The following TSPAN9 variants were observed in gnomAD, a reference collection of about 807,000 sequenced individuals.
TSPAN9 encodes tetraspanin 9.
A neutral mutation model predicts 31.0 loss-of-function variants in TSPAN9; 16 were observed. That is an observed-to-expected ratio of 0.52 (90% CI 0.35 to 0.78). The LOEUF (loss-of-function observed/expected upper bound fraction) is 0.78, where lower values mean the gene tolerates loss of function less well. Among genes scored for constraint, TSPAN9 ranks in the 30% least tolerant of loss-of-function variants. The pLI, the probability that TSPAN9 is intolerant of heterozygous loss-of-function variation, is 0.01. For synonymous variants in TSPAN9, 145 were observed against 121.6 expected (o/e 1.19, Z -1.27); for missense variants, 272 against 312.5 (o/e 0.87, Z 0.98).
rs552866930 is a variant in TSPAN9 at position 3,284,279 on chromosome 12, T to A, written c.*1163T>A. On this transcript the variant is annotated 3_prime_UTR_variant, in exon 9 of 9. Transcript: ENST00000011898. ...CCCTTGCTTCTGGAAGGGGAAGCAG[T>A]CCTTAGGTTTTGCTGTGCTGGGACA... The A allele has an allele frequency of 2.0e-5, 3 of 152,620 alleles. No homozygotes were observed. The East Asian group carries it at 5.8e-4, about 30-fold the overall frequency. The allele number at this position is 152,620 out of a possible 1,614,324, so 9.5% of individuals were successfully genotyped here.
chr12:3,213,340 A>AG (rs1321993990), intron 3 of TSPAN9, among the ~76,000 whole-genome samples: 3 of 152,170 alleles, frequency 2.0e-5, no homozygotes, highest in African/African-American at 4.8e-5. Context: ...TGCCCTCTCA[A>AG]GGGGGGCTTC....
At chr12:3,270,065 G>A (rs1862644536) in intron 3 of TSPAN9, among the ~76,000 whole-genome samples, 1 of 152,208 alleles carries the variant, frequency 6.6e-6, no homozygotes, top group Non-Finnish European at 1.5e-5. Context: ...GTCCTTCTGA[G>A]GGCTGTTCCT....
chr12:3,085,519 G>A (rs1233867028), intron 2 of TSPAN9, among the ~76,000 whole-genome samples: 4 of 152,086 alleles, frequency 2.6e-5, no homozygotes, highest in Non-Finnish European at 5.9e-5. Flanking sequence ...GGCTCCAGGG[G>A]GCTTTGGTTT....
intron 2 of TSPAN9, among the ~76,000 whole-genome samples, chr12:3,140,258 G>T (rs748888885): frequency 1.3e-5 from 2 of 152,190 alleles, no homozygotes; most frequent in East Asian, 3.8e-4. Context: ...TTTCCCAGGG[G>T]TAGCTCCAGG....
In TSPAN9 at chr12:3,079,658, C is replaced by T. The variant is rs528591940; in HGVS notation, c.-85+2205C>T. Among the ~76,000 whole-genome samples, 70 of 151,452 alleles carry T rather than the reference C, an allele frequency of 4.6e-4. No homozygotes were observed. The South Asian group carries it at 0.014, about 31-fold the overall frequency. ...TGTATTTTTAGTAGAGATGGAGTTT[C>T]GCCATGTTGGCCAGACTGGTCTCAA... On this transcript the variant is annotated intron_variant, in intron 1 of 8. Transcript: ENST00000011898.
At chr12:3,246,343 A>G (rs1001033376) in intron 3 of TSPAN9, among the ~76,000 whole-genome samples, 2 of 152,056 alleles carry the variant, frequency 1.3e-5, no homozygotes, top group African/African-American at 2.4e-5. Context: ...GTGGGGACCA[A>G]TATCCAAACT....
At chr12:3,125,803 TTGAAAC>T (rs1249530438) in intron 2 of TSPAN9, among the ~76,000 whole-genome samples, 1 of 152,138 alleles carries the variant, frequency 6.6e-6, no homozygotes, top group Non-Finnish European at 1.5e-5. Context: ...GACAATACGT[TTGAAAC>T]TGACCCTCAA....
chr12:3,185,297 T>G (rs1377412727), intron 2 of TSPAN9, among the ~76,000 whole-genome samples: 2 of 152,174 alleles, frequency 1.3e-5, no homozygotes, highest in Non-Finnish European at 2.9e-5. Flanking sequence ...GCTTTTGGTA[T>G]CTGTCTCATG....
At chr12:3,234,678 GTCTGTGCTGCTCTCAGCAC>G (rs2153976426) in intron 3 of TSPAN9, among the ~76,000 whole-genome samples, 1 of 152,308 alleles carries the variant, frequency 6.6e-6, no homozygotes, top group South Asian at 2.1e-4. Context: ...GCGTGGAGTG[GTCTGTGCTGCTCTCAGCAC>G]TCATTCCAGG....
At chr12:3,266,717 T>C (rs1686340062) in intron 3 of TSPAN9, among the ~76,000 whole-genome samples, 2 of 152,308 alleles carry the variant, frequency 1.3e-5, no homozygotes, top group Middle Eastern at 3.4e-3. Context: ...CAGAGAGACC[T>C]GCGCTGAGCC....
At chr12:3,140,631 A>G (rs1281439022) in intron 2 of TSPAN9, among the ~76,000 whole-genome samples, 2 of 152,006 alleles carry the variant, frequency 1.3e-5, no homozygotes, top group Non-Finnish European at 2.9e-5. Context: ...ATGCCCAAGG[A>G]AAGTTCAGGA....
intron 3 of TSPAN9, among the ~76,000 whole-genome samples, chr12:3,263,988 G>A (rs1355301970): frequency 6.6e-6 from 1 of 152,194 alleles, no homozygotes; most frequent in Non-Finnish European, 1.5e-5. Context: ...AGAGCAAGGA[G>A]GCTCTGTGAG....
chr12:3,229,334 C>G (rs1277764407), intron 3 of TSPAN9, among the ~76,000 whole-genome samples: 4 of 152,352 alleles, frequency 2.6e-5, no homozygotes, highest in Middle Eastern at 3.4e-3. Flanking sequence ...CCTCATTGGT[C>G]TCGTGGCCTG....
intron 3 of TSPAN9, among the ~76,000 whole-genome samples, chr12:3,252,607 C>T (rs866231404): frequency 6.6e-6 from 1 of 152,248 alleles, no homozygotes; most frequent in African/African-American, 2.4e-5. Context: ...GCAAGATCCT[C>T]TTGTCATCAC....
chr12:3,230,371 G>T (rs2098390019), intron 3 of TSPAN9, among the ~76,000 whole-genome samples: 1 of 152,034 alleles, frequency 6.6e-6, no homozygotes, highest in Admixed American at 6.6e-5. Flanking sequence ...TCACAGCCAG[G>T]CTTCCCCCTC....
chr12:3,153,443 G>A (rs2098340791), intron 2 of TSPAN9, among the ~76,000 whole-genome samples: 2 of 152,082 alleles, frequency 1.3e-5, no homozygotes, highest in Admixed American at 6.6e-5. Context: ...AATGTAGATA[G>A]AATTTTGTGT....
chr12:3,116,126 A>G (rs2098322239), intron 2 of TSPAN9, among the ~76,000 whole-genome samples: 1 of 152,198 alleles, frequency 6.6e-6, no homozygotes, highest in African/African-American at 2.4e-5. Flanking sequence ...ATTCTGGGAA[A>G]ACAACTTGAT....
At chr12:3,137,539 C>T (rs576520460) in intron 2 of TSPAN9, among the ~76,000 whole-genome samples, 1 of 152,298 alleles carries the variant, frequency 6.6e-6, no homozygotes, top group African/African-American at 2.4e-5. Flanking sequence ...GATTTGGGCC[C>T]CAAGGGAGTG....
rs180982379 is a variant in TSPAN9, at chr12:3,089,100, C to T, written c.-18+5381C>T. 7.5e-3 allele frequency among the ~76,000 whole-genome samples: 1,136 copies of T among 151,312 alleles called. 6 individuals are homozygous for T. Among genetic ancestry groups the T allele is most frequent in the Non-Finnish European group, 0.012 (845 of 67,760 alleles). On this transcript the variant is annotated intron_variant, in intron 2 of 8. Transcript: ENST00000011898. ...GCAAAAAATTAGCCGGGCGTGGTGG[C>T]GGGCGCCTGTAGTCCCAGCCACTCG...
Sources: gnomAD v4.1 joint callset for allele counts (sites outside exome capture counted in the v4.1 genomes callset) on GRCh38, gnomAD v4.1.1 for gene constraint, MANE v1.5 for transcripts, NCBI Gene and HGNC (gene_info 2026-07-23, HGNC 2026-07-21) for gene names.